Variants in GABRA2 observed in about 807,000 individuals in gnomAD.
GABRA2 encodes gamma-aminobutyric acid type A receptor subunit alpha2, also known as gamma-aminobutyric acid receptor subunit alpha-2.
Under a neutral mutation model 48.7 loss-of-function variants are expected in GABRA2, and 16 were observed. The ratio of observed to expected loss-of-function variants is 0.33; its 90% CI spans 0.22 to 0.50. GABRA2 has a LOEUF of 0.50. Ranked by LOEUF, GABRA2 falls within the 20% of genes least tolerant of loss-of-function variation. The probability of loss-of-function intolerance (pLI) is 0.98; values close to 1 mark genes in which losing one functional copy is unlikely to be tolerated. For synonymous variants in GABRA2, 185 were observed against 184.5 expected, an observed-to-expected ratio of 1.00 and a Z score of -0.02; for missense variants, 275 against 535.6, an observed-to-expected ratio of 0.51 and a Z score of 4.80.
chr4:46,268,212 A>C (rs1012137137), intron 8 of GABRA2, among the ~76,000 whole-genome samples: 2 of 152,002 alleles, frequency 1.3e-5, no homozygotes, highest in African/African-American at 4.8e-5. Flanking sequence ...GATTACATCA[A>C]GATAAAAAGT....
intron 4 of GABRA2, among the ~76,000 whole-genome samples, chr4:46,326,428 G>A (rs1322312908): frequency 6.6e-6 from 1 of 151,510 alleles, no homozygotes; most frequent in African/African-American, 2.4e-5. Context: ...TTTTGGCAGA[G>A]GGCTGTAGCA....
At chr4:46,333,792 A>C (rs1731760967) in intron 3 of GABRA2, among the ~76,000 whole-genome samples, 1 of 152,102 alleles carries the variant, frequency 6.6e-6, no homozygotes, top group Non-Finnish European at 1.5e-5. Flanking sequence ...GATTCAAAGA[A>C]AGGTAAGCAA....
chr4:46,267,210 C>A (rs1478547177), intron 8 of GABRA2, among the ~76,000 whole-genome samples: 1 of 151,824 alleles, frequency 6.6e-6, no homozygotes, highest in Non-Finnish European at 1.5e-5. Context: ...ACTGATTTTT[C>A]TTTTTGGACT....
intron 4 of GABRA2, among the ~76,000 whole-genome samples, chr4:46,322,189 G>T (rs960008842): frequency 6.6e-6 from 1 of 151,958 alleles, no homozygotes. Flanking sequence ...AAAAAGGCAT[G>T]GAAAAGGACA....
chr4:46,382,197 T>C (rs1407188531), intron 3 of GABRA2, among the ~76,000 whole-genome samples: 2 of 151,426 alleles, frequency 1.3e-5, no homozygotes, highest in African/African-American at 4.9e-5. Context: ...CACACACATA[T>C]ATATATATAT....
At chr4:46,371,351 A>G (rs1714862402) in intron 3 of GABRA2, among the ~76,000 whole-genome samples, 2 of 152,134 alleles carry the variant, frequency 1.3e-5, no homozygotes, top group South Asian at 4.1e-4. Flanking sequence ...GTACTATTAT[A>G]TTTCTGCCAA....
intron 3 of GABRA2, among the ~76,000 whole-genome samples, chr4:46,359,432 T>G (rs1458377123): frequency 6.6e-6 from 1 of 152,106 alleles, no homozygotes; most frequent in Non-Finnish European, 1.5e-5. Flanking sequence ...CAGCCCCTTC[T>G]AAAACTGTCA....
intron 3 of GABRA2, among the ~76,000 whole-genome samples, chr4:46,352,937 T>C (rs1456376128): frequency 9.2e-5 from 14 of 152,120 alleles, no homozygotes. Context: ...TGTCTTTTCA[T>C]GCCTTACTGT....
At chr4:46,301,784 C>G (rs1364137546) in intron 8 of GABRA2, among the ~76,000 whole-genome samples, 1 of 152,168 alleles carries the variant, frequency 6.6e-6, no homozygotes, top group Non-Finnish European at 1.5e-5. Context: ...GTGCCATCCC[C>G]TATACCAAGT....
intron 3 of GABRA2, chr4:46,365,908 T>G (rs1038147289): frequency 6.6e-6 from 1 of 152,116 alleles, no homozygotes; most frequent in Non-Finnish European, 1.5e-5. Context: ...TATTTGCCTT[T>G]CATATACTCA....
intron 3 of GABRA2, among the ~76,000 whole-genome samples, chr4:46,350,078 G>T (rs1449124190): frequency 6.6e-6 from 1 of 151,736 alleles, no homozygotes; most frequent in African/African-American, 2.4e-5. Context: ...GATCCCCCAT[G>T]AACTGTAATT....
chr4:46,267,277 T>C (rs961586843), intron 8 of GABRA2, among the ~76,000 whole-genome samples: 5 of 152,000 alleles, frequency 3.3e-5, no homozygotes, highest in Admixed American at 2.0e-4. Context: ...TATGATAATT[T>C]GAACTACAGA....
chr4:46,307,271 C>G (rs973910702), intron 6 of GABRA2, among the ~76,000 whole-genome samples: 12 of 151,462 alleles, frequency 7.9e-5, no homozygotes, highest in African/African-American at 2.9e-4. Context: ...TAACTAGGAA[C>G]TCATTTGTAG....
Position 46,250,301 on chromosome 4 carries a change from T to G in GABRA2, c.*7A>C. ...CTATACATCCCAAAGATAACATGGG[T>G]CTCAATTCAAGGACTGACCCCTAAT... On this transcript the variant is annotated 3_prime_UTR_variant, in exon 10 of 10. Transcript: ENST00000381620. The G allele has an allele frequency of 6.2e-7, 1 of 1,602,484 alleles. No individual in the cohort carries two copies. The highest frequency in any genetic ancestry group is 8.5e-7 in the Non-Finnish European group (1 of 1,173,668).
At chr4:46,389,661 G>T in intron 1 of GABRA2, 74 bp downstream of exon 1, 1 of 842,876 alleles carries the variant, frequency 1.2e-6, no homozygotes, top group African/African-American at 1.8e-5. Context: ...TGGGGTGGGG[G>T]GAGATGAGGC....
At chr4:46,379,996 A>G (rs973997379) in intron 3 of GABRA2, among the ~76,000 whole-genome samples, 4 of 152,200 alleles carry the variant, frequency 2.6e-5, no homozygotes, top group Non-Finnish European at 4.4e-5. Context: ...CATAAAGATA[A>G]GTATGATGTG....
chr4:46,257,622 A>G (rs907921354), intron 9 of GABRA2, among the ~76,000 whole-genome samples: 6 of 151,886 alleles, frequency 4.0e-5, no homozygotes, highest in African/African-American at 7.2e-5. Flanking sequence ...ATATACTTGG[A>G]CCATATTAGC....
chr4:46,303,428 T>C (rs748949238), intron 8 of GABRA2, 32 bp downstream of exon 8: 1 of 1,573,228 alleles, frequency 6.4e-7, no homozygotes, highest in Non-Finnish European at 8.7e-7. Flanking sequence ...TGAAACATAA[T>C]GTGCTGTACT....
At position 46,248,243 on chromosome 4, in the gene GABRA2, TAGAGCAATTTCATTGC is replaced by T. The variant is rs1714075343; in HGVS notation, c.*2049_*2064del. ...AAAGTATCTAATAATGCATACCATA[TAGAGCAATTTCATTGC>T]TTGCCTTCTGGCATTGTGTACTTCC... On this transcript the variant is annotated 3_prime_UTR_variant, in exon 10 of 10. Transcript: ENST00000381620. Among the ~76,000 whole-genome samples the T allele has an allele frequency of 6.6e-6, 1 of 151,372 alleles. No homozygotes were observed. Among genetic ancestry groups the T allele is most frequent in the Non-Finnish European group, 1.5e-5 (1 of 67,532 alleles).
Sources: allele counts gnomAD v4.1 joint callset (sites outside exome capture counted in the v4.1 genomes callset), GRCh38; gene constraint gnomAD v4.1.1; transcripts MANE v1.5; gene names NCBI Gene and HGNC (gene_info 2026-07-23, HGNC 2026-07-21).